ADGRB3: variants seen among roughly 807,000 people sequenced by gnomAD.
ADGRB3 encodes adhesion G protein-coupled receptor B3, also known as brain-specific angiogenesis inhibitor 3.
Under a neutral mutation model 193.4 loss-of-function variants are expected in ADGRB3, and 37 were observed. The observed-to-expected ratio is 0.19, with a 90% CI of 0.15 to 0.25. ADGRB3 has a LOEUF of 0.25. ADGRB3 is among the 10% of genes least tolerant of loss of function. ADGRB3 has a pLI of 1.00. For synonymous variants in ADGRB3, 690 were observed against 644.2 expected (o/e 1.07, Z -1.08); for missense variants, 1,637 against 1,852.9 (o/e 0.88, Z 2.14).
At chr6:68,672,736 T>C (rs1330213349) in intron 3 of ADGRB3, among the ~76,000 whole-genome samples, 1 of 152,102 alleles carries the variant, frequency 6.6e-6, no homozygotes, top group Non-Finnish European at 1.5e-5. Flanking sequence ...AACACTAGTC[T>C]AGATGTTGCT....
At chr6:69,256,741 C>T (rs989145714) in intron 20 of ADGRB3, among the ~76,000 whole-genome samples, 93 of 152,200 alleles carry the variant, frequency 6.1e-4, no homozygotes, top group Non-Finnish European at 1.1e-3. Flanking sequence ...CAACACTATG[C>T]TGAATAGGAG....
At chr6:68,952,881 C>T (rs1429410326) in intron 6 of ADGRB3, among the ~76,000 whole-genome samples, 2 of 152,136 alleles carry the variant, frequency 1.3e-5, no homozygotes, top group Non-Finnish European at 2.9e-5. Flanking sequence ...CTAATATTAA[C>T]ACTCTTAAGC....
intron 17 of ADGRB3, among the ~76,000 whole-genome samples, chr6:69,078,884 C>T (rs1236159871): frequency 6.6e-6 from 1 of 152,022 alleles, no homozygotes; most frequent in East Asian, 1.9e-4. Flanking sequence ...GCCTACTATA[C>T]CTGCATATAA....
intron 17 of ADGRB3, among the ~76,000 whole-genome samples, chr6:69,168,769 C>T (rs1775196048): frequency 6.6e-6 from 1 of 151,998 alleles, no homozygotes; most frequent in South Asian, 2.1e-4. Flanking sequence ...TCATATCATA[C>T]CAAATCATTG....
chr6:69,352,127 G>A (rs1360803281), intron 26 of ADGRB3, among the ~76,000 whole-genome samples: 1 of 152,016 alleles, frequency 6.6e-6, no homozygotes, highest in African/African-American at 2.4e-5. Flanking sequence ...TTTCTTAATG[G>A]TTTCCCCAAA....
intron 23 of ADGRB3, among the ~76,000 whole-genome samples, chr6:69,331,073 G>A (rs975671360): frequency 4.6e-5 from 7 of 151,994 alleles, no homozygotes; most frequent in Admixed American, 6.6e-5. Context: ...ACCAGGTTCC[G>A]CAGCATCCTT....
chr6:68,905,128 G>A (rs1766506754), intron 3 of ADGRB3, among the ~76,000 whole-genome samples: 1 of 152,006 alleles, frequency 6.6e-6, no homozygotes, highest in South Asian at 2.1e-4. Context: ...CATATTATCT[G>A]GCCAATATGT....
chr6:68,797,647 C>T (rs1767236811), intron 3 of ADGRB3, among the ~76,000 whole-genome samples: 1 of 152,194 alleles, frequency 6.6e-6, no homozygotes, highest in Non-Finnish European at 1.5e-5. Flanking sequence ...TGACCTTGAA[C>T]TGAAGGCTTC....
At chr6:69,041,846 C>G (rs1582415960) in intron 13 of ADGRB3, among the ~76,000 whole-genome samples, 1 of 152,230 alleles carries the variant, frequency 6.6e-6, no homozygotes, top group South Asian at 2.1e-4. Context: ...CCTGCCTTGG[C>G]CTCCCAACAT....
At chr6:69,008,911 T>G (rs1227294267) in intron 11 of ADGRB3, among the ~76,000 whole-genome samples, 1 of 152,142 alleles carries the variant, frequency 6.6e-6, no homozygotes, top group Non-Finnish European at 1.5e-5. Context: ...AAGTGTCATC[T>G]CTTATTCCCT....
intron 20 of ADGRB3, among the ~76,000 whole-genome samples, chr6:69,253,242 A>G (rs2127268009): frequency 6.6e-6 from 1 of 152,178 alleles, no homozygotes; most frequent in Admixed American, 6.6e-5. Context: ...CTTCCTTTCC[A>G]ATATTATTTT....
chr6:69,265,510 C>T (rs564432717), intron 20 of ADGRB3, among the ~76,000 whole-genome samples: 21 of 151,874 alleles, frequency 1.4e-4, no homozygotes, highest in African/African-American at 4.6e-4. Flanking sequence ...CTTAAAGCAC[C>T]CAAATCTCTC....
chr6:68,882,828 C>A (rs1225468792), intron 3 of ADGRB3, among the ~76,000 whole-genome samples: 1 of 152,070 alleles, frequency 6.6e-6, no homozygotes, highest in Admixed American at 6.6e-5. Flanking sequence ...TGGTTATTTC[C>A]CTGGAAGACC....
chr6:68,792,830 T>C (rs1403595166), intron 3 of ADGRB3, among the ~76,000 whole-genome samples: 1 of 152,170 alleles, frequency 6.6e-6, no homozygotes, highest in African/African-American at 2.4e-5. Context: ...CTTCAGATAC[T>C]GGAGCAAATG....
At chr6:68,659,529 G>T (rs1332939654) in intron 3 of ADGRB3, among the ~76,000 whole-genome samples, 2 of 150,242 alleles carry the variant, frequency 1.3e-5, no homozygotes, top group Non-Finnish European at 1.5e-5. Flanking sequence ...AATATATTTA[G>T]AATGACTTTT....
intron 13 of ADGRB3, among the ~76,000 whole-genome samples, chr6:69,031,844 G>T (rs1012324386): frequency 6.6e-6 from 1 of 151,736 alleles, no homozygotes; most frequent in Non-Finnish European, 1.5e-5. Flanking sequence ...TGTTGCCCAG[G>T]TTAGTCTCGA....
chr6:69,017,730 T>C (rs1216953874), intron 12 of ADGRB3, among the ~76,000 whole-genome samples: 2 of 151,936 alleles, frequency 1.3e-5, no homozygotes, highest in Admixed American at 1.3e-4. Flanking sequence ...CTATTAAAGA[T>C]ACAATATGGC....
At chr6:69,100,496 T>C (rs2150320984) in intron 17 of ADGRB3, among the ~76,000 whole-genome samples, 1 of 152,258 alleles carries the variant, frequency 6.6e-6, no homozygotes, top group East Asian at 1.9e-4. Flanking sequence ...TTCTCCCATT[T>C]TGTAATTAGT....
At chr6:69,083,599 G>C (rs553328109) in intron 17 of ADGRB3, among the ~76,000 whole-genome samples, 2 of 152,160 alleles carry the variant, frequency 1.3e-5, no homozygotes, top group Admixed American at 6.5e-5. Flanking sequence ...AGATCAAGAT[G>C]AGAATAAGTA....
Sources: gnomAD v4.1 joint callset for allele counts (sites outside exome capture counted in the v4.1 genomes callset) on GRCh38, gnomAD v4.1.1 for gene constraint, MANE v1.5 for transcripts, NCBI Gene and HGNC (gene_info 2026-07-23, HGNC 2026-07-21) for gene names.